DPF2: variants seen among roughly 807,000 people sequenced by gnomAD.
DPF2 encodes the protein zinc finger protein ubi-d4.
Under a neutral mutation model 59.6 loss-of-function variants are expected in DPF2, and 10 were observed. The observed-to-expected ratio is 0.17, with a 90% CI of 0.10 to 0.28. The LOEUF (loss-of-function observed/expected upper bound fraction) is 0.28. Among genes scored for constraint, DPF2 ranks in the 10% least tolerant of loss-of-function variants. The probability of loss-of-function intolerance (pLI) is 1.00; values close to 1 mark genes in which losing one functional copy is unlikely to be tolerated. For synonymous variants in DPF2, 189 were observed against 190.6 expected (o/e 0.99, Z 0.07); for missense variants, 315 against 509.4 (o/e 0.62, Z 3.67).
chr11:65,333,993 G>A, intron 1 of DPF2, 75 bp downstream of exon 1: 1 of 1,575,592 alleles, frequency 6.3e-7, no homozygotes. Context: ...GGTGGGGGAA[G>A]GGACTAGGCG....
intron 9 of DPF2, 157 bp from the exon 10 acceptor site, chr11:65,348,693 G>C: frequency 1.8e-6 from 1 of 559,320 alleles, no homozygotes; most frequent in Non-Finnish European, 3.1e-6. Context: ...GACAGTGACT[G>C]GATCTGCGGT....
chr11:65,334,414 G>T (rs1233686368), intron 1 of DPF2, among the ~76,000 whole-genome samples: 4 of 152,256 alleles, frequency 2.6e-5, no homozygotes, highest in Admixed American at 2.6e-4. Context: ...TGATGTTTGG[G>T]AGGATCTTGG....
intron 6 of DPF2, 118 bp from the exon 7 acceptor site, chr11:65,345,548 C>A: frequency 7.0e-7 from 1 of 1,422,546 alleles, no homozygotes; most frequent in Non-Finnish European, 9.6e-7. Context: ...CAGAGTGGAG[C>A]TGCTAGGGGA....
intron 10 of DPF2, 124 bp downstream of exon 10, chr11:65,349,055 C>A: frequency 9.1e-7 from 1 of 1,095,580 alleles, no homozygotes; most frequent in Non-Finnish European, 1.3e-6. Context: ...AGCACCTTGC[C>A]TTGGCTCAGT....
chr11:65,344,686 C>T (rs1854476853), intron 6 of DPF2: 3 of 1,489,874 alleles, frequency 2.0e-6, no homozygotes, highest in Non-Finnish European at 2.7e-6. Context: ...CCTTGTTCCT[C>T]CTGCCTTTCT....
At chr11:65,344,305 T>C (rs1343935664) in intron 6 of DPF2, 4 of 617,184 alleles carry the variant, frequency 6.5e-6, no homozygotes, top group Non-Finnish European at 1.1e-5. Flanking sequence ...TAGGGTTGCT[T>C]GTGGGGGCCA....
intron 4 of DPF2, chr11:65,342,054 G>T (rs1854390051): frequency 6.5e-6 from 1 of 154,142 alleles, no homozygotes; most frequent in South Asian, 1.9e-4. Flanking sequence ...ATGAGTTCGA[G>T]ACTGCAATGA....
chr11:65,338,138 G>GA (rs1396133450), intron 1 of DPF2, among the ~76,000 whole-genome samples: 1 of 151,940 alleles, frequency 6.6e-6, no homozygotes, highest in Non-Finnish European at 1.5e-5. Flanking sequence ...GTAGAGATGG[G>GA]ATCTCACTAT....
intron 2 of DPF2, 68 bp downstream of exon 2, chr11:65,340,613 T>A (rs1242569854): frequency 5.7e-6 from 9 of 1,581,804 alleles, no homozygotes; most frequent in Non-Finnish European, 6.9e-6. Flanking sequence ...TCATCTTAGG[T>A]GATGAGACAG....
chr11:65,353,401 G>T lies in DPF2; in HGVS notation c.*1642G>T, dbSNP rs1854781309. Among the ~76,000 whole-genome samples the T allele has an allele frequency of 6.6e-6, 1 of 152,144 alleles. No homozygotes were observed. The highest frequency in any genetic ancestry group is 1.5e-5 in the Non-Finnish European group (1 of 68,040). On this transcript the variant is annotated 3_prime_UTR_variant, in exon 11 of 11. Coordinates refer to ENST00000528416, the MANE Select transcript of DPF2 (RefSeq NM_006268.5). ...AAGTTTATATAAATATAATTAATAA[G>T]CAAACTAATGACATCACCATGGGAC...
chr11:65,343,868 G>A, intron 5 of DPF2, 31 bp downstream of exon 5: 1 of 1,582,846 alleles, frequency 6.3e-7, no homozygotes, highest in South Asian at 1.1e-5. Flanking sequence ...CTGCATCTTG[G>A]GACAGGGTGG....
At chr11:65,343,322 A>AT (rs1854434360) in intron 4 of DPF2, among the ~76,000 whole-genome samples, 1 of 150,352 alleles carries the variant, frequency 6.7e-6, no homozygotes, top group Admixed American at 6.6e-5. Context: ...AAAAAAAAAA[A>AT]GCTTCCCACA....
chr11:65,337,490 T>TAGAGAG (rs1565527455), intron 1 of DPF2, among the ~76,000 whole-genome samples: 1 of 67,012 alleles, frequency 1.5e-5, no homozygotes, highest in African/African-American at 6.2e-5. Flanking sequence ...TATATATATA[T>TAGAGAG]ATATATATAT....
intron 9 of DPF2, chr11:65,347,446 A>T (rs1442018944): frequency 6.7e-6 from 1 of 150,224 alleles, no homozygotes; most frequent in Non-Finnish European, 1.5e-5. Flanking sequence ...CAATCCTCCC[A>T]CCTCAGCCTC....
At chr11:65,335,834 C>T (rs1392712947) in intron 1 of DPF2, among the ~76,000 whole-genome samples, 1 of 151,862 alleles carries the variant, frequency 6.6e-6, no homozygotes, top group Non-Finnish European at 1.5e-5. Flanking sequence ...TTTTTTTAGA[C>T]AGAGTCTCAC....
intron 1 of DPF2, among the ~76,000 whole-genome samples, chr11:65,334,326 C>T (rs979876193): frequency 6.6e-6 from 1 of 152,092 alleles, no homozygotes; most frequent in African/African-American, 2.4e-5. Flanking sequence ...CGTCCCGTCC[C>T]GTTCGCTGCA....
rs74950469 is a variant in DPF2, at chr11:65,340,127, G to A, written c.33-258G>A. Among the ~76,000 whole-genome samples, 19 of 152,260 alleles carry A rather than the reference G, an allele frequency of 1.2e-4. No individual in the cohort carries two copies. In the East Asian group the frequency reaches 3.7e-3, roughly 29 times the overall value. ...GTGAACATTCTTTCACCTCTTTGGG[G>A]GTTAAACTTAAGTCTGATTAGACAT... On this transcript the variant is annotated intron_variant, in intron 1 of 10. Coordinates refer to ENST00000528416, the MANE Select transcript of DPF2 (RefSeq NM_006268.5).
At chr11:65,345,839 A>G (rs1331072895) in intron 7 of DPF2, 36 bp downstream of exon 7, 1 of 1,613,666 alleles carries the variant, frequency 6.2e-7, no homozygotes, top group Admixed American at 1.7e-5. Context: ...GGCAAGCAGA[A>G]GTTGGCCTGG....
chr11:65,340,612 G>C (rs1854335892), intron 2 of DPF2, 67 bp downstream of exon 2: 3 of 1,583,480 alleles, frequency 1.9e-6, no homozygotes, highest in East Asian at 2.2e-5. Context: ...CTCATCTTAG[G>C]TGATGAGACA....
Sources: allele counts gnomAD v4.1 joint callset (sites outside exome capture counted in the v4.1 genomes callset), GRCh38; gene constraint gnomAD v4.1.1; transcripts MANE v1.5; gene names NCBI Gene and HGNC (gene_info 2026-07-23, HGNC 2026-07-21).